Variants in NLGN1 observed in about 807,000 individuals in gnomAD.
NLGN1 encodes the protein neuroligin-1.
Under a neutral mutation model 65.5 loss-of-function variants are expected in NLGN1, and 12 were observed. The observed-to-expected ratio is 0.18, with a 90% CI of 0.12 to 0.30. The LOEUF is 0.30. NLGN1 is among the 10% of genes least tolerant of loss of function. The probability of loss-of-function intolerance (pLI) is 1.00; values close to 1 mark genes in which losing one functional copy is unlikely to be tolerated. For synonymous variants in NLGN1, 350 were observed against 359.5 expected, an observed-to-expected ratio of 0.97 and a Z score of 0.30; for missense variants, 750 against 1,007.1, an observed-to-expected ratio of 0.74 and a Z score of 3.46.
chr3:174,237,431 A>G (rs1741923311), intron 4 of NLGN1, among the ~76,000 whole-genome samples: 3 of 152,188 alleles, frequency 2.0e-5, no homozygotes, highest in African/African-American at 7.2e-5. Flanking sequence ...CTTGCTTTTG[A>G]TTCATCATTC....
chr3:173,576,684 C>G (rs12107173), intron 2 of NLGN1, among the ~76,000 whole-genome samples: 4,129 of 152,130 alleles, frequency 0.027, 179 homozygotes, highest in African/African-American at 0.09. Context: ...CTAGATAACC[C>G]AGAGTAATCT....
chr3:173,877,437 A>T (rs1332452809), intron 4 of NLGN1, among the ~76,000 whole-genome samples: 4 of 152,092 alleles, frequency 2.6e-5, no homozygotes, highest in Non-Finnish European at 5.9e-5. Context: ...AGGAGACATC[A>T]CAACTAAATG....
chr3:174,239,182 C>G (rs1012194727), intron 4 of NLGN1, among the ~76,000 whole-genome samples: 2 of 152,086 alleles, frequency 1.3e-5, no homozygotes, highest in Non-Finnish European at 2.9e-5. Context: ...GATTCTCCTG[C>G]CTCAGCCTCC....
intron 3 of NLGN1, among the ~76,000 whole-genome samples, chr3:173,747,704 T>C (rs558952040): frequency 2.4e-4 from 36 of 151,204 alleles, no homozygotes; most frequent in African/African-American, 8.2e-4. Flanking sequence ...TCCAAAGCAA[T>C]TGAAAGTCTT....
intron 2 of NLGN1, among the ~76,000 whole-genome samples, chr3:173,519,625 C>T (rs1003365958): frequency 2.6e-5 from 4 of 152,010 alleles, no homozygotes; most frequent in African/African-American, 4.8e-5. Flanking sequence ...GGCCTGTAGG[C>T]CTTTTCTTTT....
At chr3:173,510,783 G>A (rs1040377491) in intron 2 of NLGN1, among the ~76,000 whole-genome samples, 1 of 152,158 alleles carries the variant, frequency 6.6e-6, no homozygotes, top group South Asian at 2.1e-4. Context: ...AGCACAGAGA[G>A]TTTTTCCTTT....
Position 173,618,896 on chromosome 3 carries a change from A to T in NLGN1, c.493+13805A>T, listed in dbSNP as rs527867910. Among the ~76,000 whole-genome samples, 17 of 152,236 alleles carry T rather than the reference A, an allele frequency of 1.1e-4. No individual in the cohort carries two copies. The South Asian group carries it at 3.3e-3, about 30-fold the overall frequency. The stretch of plus-strand genomic sequence containing the variant: ...ATCTGTGCCTCAGAACACATTGCAG[A>T]GTGATAGAGAAGAGGGTGTTGGATT... On this transcript the variant is annotated intron_variant, in intron 3 of 6. Transcript: ENST00000457714.
intron 2 of NLGN1, among the ~76,000 whole-genome samples, chr3:173,479,876 TA>T (rs1376327593): frequency 6.6e-6 from 1 of 152,200 alleles, no homozygotes; most frequent in Non-Finnish European, 1.5e-5. Context: ...TTTTTATTTT[TA>T]TTTTTTTGTA....
At chr3:173,437,141 G>T (rs1305926981) in intron 2 of NLGN1, among the ~76,000 whole-genome samples, 1 of 152,198 alleles carries the variant, frequency 6.6e-6, no homozygotes, top group African/African-American at 2.4e-5. Flanking sequence ...TGAGAAACCT[G>T]AGGAAAATTC....
intron 3 of NLGN1, among the ~76,000 whole-genome samples, chr3:173,753,606 G>A (rs370070499): frequency 3.9e-5 from 6 of 152,086 alleles, no homozygotes; most frequent in African/African-American, 1.4e-4. Context: ...TTCTATTCTT[G>A]TACCTCTAGG....
chr3:173,836,859 T>C (rs1723716145), intron 4 of NLGN1, among the ~76,000 whole-genome samples: 1 of 152,170 alleles, frequency 6.6e-6, no homozygotes, highest in South Asian at 2.1e-4. Flanking sequence ...ATTTCTTGTT[T>C]GGATTTTTCT....
chr3:173,801,920 G>C (rs902426759), intron 3 of NLGN1, among the ~76,000 whole-genome samples: 1 of 152,196 alleles, frequency 6.6e-6, no homozygotes, highest in East Asian at 1.9e-4. Flanking sequence ...ATTAATTACT[G>C]TTTCCAAAAC....
intron 2 of NLGN1, among the ~76,000 whole-genome samples, chr3:173,528,712 C>T (rs991673198): frequency 3.0e-4 from 45 of 152,210 alleles, no homozygotes; most frequent in Admixed American, 7.8e-4. Flanking sequence ...GAAATGATTT[C>T]TTCTGCTTGG....
At chr3:174,094,790 A>C (rs1055263082) in intron 4 of NLGN1, among the ~76,000 whole-genome samples, 20 of 151,206 alleles carry the variant, frequency 1.3e-4, no homozygotes, top group Non-Finnish European at 2.5e-4. Context: ...TTTCAACTAG[A>C]AAAAGGAAAC....
At chr3:173,998,295 A>G (rs1056505749) in intron 4 of NLGN1, among the ~76,000 whole-genome samples, 1 of 152,098 alleles carries the variant, frequency 6.6e-6, no homozygotes, top group Admixed American at 6.6e-5. Context: ...AGAACATCCT[A>G]CTTCAAGGGA....
intron 1 of NLGN1, among the ~76,000 whole-genome samples, chr3:173,433,945 A>G (rs112681403): frequency 8.5e-5 from 13 of 152,216 alleles, no homozygotes; most frequent in African/African-American, 3.1e-4. Context: ...TTTACTATAT[A>G]AAATGATGAA....
chr3:173,700,676 A>C (rs987741), intron 3 of NLGN1, among the ~76,000 whole-genome samples: 83,937 of 152,054 alleles, frequency 0.55, 24,424 homozygotes, highest in East Asian at 0.79. Flanking sequence ...CTTGAATCTA[A>C]TTTCTGTCAT....
intron 2 of NLGN1, among the ~76,000 whole-genome samples, chr3:173,527,324 C>T (rs1475259936): frequency 1.3e-5 from 2 of 152,128 alleles, no homozygotes; most frequent in Non-Finnish European, 2.9e-5. Flanking sequence ...ATATTGAGTA[C>T]CTTTAAATAT....
At chr3:173,988,839 C>G (rs962048926) in intron 4 of NLGN1, among the ~76,000 whole-genome samples, 1 of 152,080 alleles carries the variant, frequency 6.6e-6, no homozygotes, top group Admixed American at 6.6e-5. Flanking sequence ...TTTAATACCA[C>G]TACTCTCTCC....
Sources: allele counts gnomAD v4.1 joint callset (sites outside exome capture counted in the v4.1 genomes callset), GRCh38; gene constraint gnomAD v4.1.1; transcripts MANE v1.5; gene names NCBI Gene and HGNC (gene_info 2026-07-23, HGNC 2026-07-21).